Variants in CALCRL observed in about 807,000 individuals in gnomAD.
CALCRL encodes the protein calcitonin receptor like receptor.
A neutral mutation model predicts 60.4 loss-of-function variants in CALCRL; 27 were observed. The observed-to-expected ratio is 0.45, with a 90% CI of 0.33 to 0.62. The LOEUF (loss-of-function observed/expected upper bound fraction) is 0.62. CALCRL is among the 20% of genes least tolerant of loss of function. The pLI is 0.03. For missense variants in CALCRL, 424 were observed against 540.7 expected, an observed-to-expected ratio of 0.78 and a Z score of 2.14; for synonymous variants, 190 against 182.6, an observed-to-expected ratio of 1.04 and a Z score of -0.33.
chr2:187,383,732 C>T (rs1162948566), intron 4 of CALCRL, among the ~76,000 whole-genome samples: 1 of 152,052 alleles, frequency 6.6e-6, no homozygotes, highest in Non-Finnish European at 1.5e-5. Context: ...TATAAAATAG[C>T]ATCAAGATAA....
chr2:187,354,376 CA>C (rs1260503781), intron 12 of CALCRL, among the ~76,000 whole-genome samples: 1 of 151,880 alleles, frequency 6.6e-6, no homozygotes, highest in Non-Finnish European at 1.5e-5. Context: ...TCACTGAACC[CA>C]AATTAAATGT....
intron 14 of CALCRL, among the ~76,000 whole-genome samples, chr2:187,348,066 C>G (rs1485218597): frequency 6.6e-6 from 1 of 151,494 alleles, no homozygotes; most frequent in Non-Finnish European, 1.5e-5. Flanking sequence ...AAAATAAAAG[C>G]ATTTATAAGG....
chr2:187,437,357 A>G (rs1180628991), intron 1 of CALCRL, among the ~76,000 whole-genome samples: 1 of 152,200 alleles, frequency 6.6e-6, no homozygotes, highest in Non-Finnish European at 1.5e-5. Flanking sequence ...CCTGGCTAAT[A>G]CAGTGAAACC....
intron 1 of CALCRL, among the ~76,000 whole-genome samples, chr2:187,417,246 T>C (rs1416291804): frequency 6.6e-6 from 1 of 151,750 alleles, no homozygotes; most frequent in Non-Finnish European, 1.5e-5. Flanking sequence ...AGTTAACAAC[T>C]ACAACTATGA....
intron 1 of CALCRL, among the ~76,000 whole-genome samples, chr2:187,435,196 T>C (rs547889831): frequency 1.3e-5 from 2 of 152,282 alleles, no homozygotes; most frequent in African/African-American, 4.8e-5. Context: ...TGTATAAGCA[T>C]GGCTCCAGCA....
intron 14 of CALCRL, among the ~76,000 whole-genome samples, chr2:187,346,953 A>G (rs1277880213): frequency 6.6e-6 from 1 of 151,786 alleles, no homozygotes; most frequent in Non-Finnish European, 1.5e-5. Context: ...GTCTTCATGG[A>G]GCTTACTACA....
At chr2:187,375,060 C>T (rs921339747) in intron 8 of CALCRL, among the ~76,000 whole-genome samples, 1 of 151,690 alleles carries the variant, frequency 6.6e-6, no homozygotes, top group African/African-American at 2.4e-5. Flanking sequence ...ATCATGAGGT[C>T]AGGAGATCGA....
Position 187,352,153 on chromosome 2 carries a change from C to T in CALCRL, c.1089G>A (p.Glu363=). 6.2e-7 allele frequency: 1 copy of T among 1,612,206 alleles called. No individual in the cohort carries two copies. The highest frequency in any genetic ancestry group is 8.5e-7 in the Non-Finnish European group (1 of 1,178,830). ...GGATGTGCATGATGTAGTCATATAC[C>T]TCCTCTGCAATCTTTCCTTCAGGTC... ...PWRPEGKIAE[E]VYDYIMHILM... The change falls in exon 13 of 15, where the codon GAG becomes GAA. Residue 363 remains glutamate (E), a synonymous_variant. Coordinates refer to ENST00000392370, the MANE Select transcript of CALCRL (RefSeq NM_005795.6).
chr2:187,390,154 A>G (rs1367173537), intron 1 of CALCRL, among the ~76,000 whole-genome samples: 1 of 152,142 alleles, frequency 6.6e-6, no homozygotes, highest in Non-Finnish European at 1.5e-5. Flanking sequence ...AAAATCCTGA[A>G]AACTATTCAG....
chr2:187,403,435 A>G (rs1349963786), intron 1 of CALCRL, among the ~76,000 whole-genome samples: 1 of 151,946 alleles, frequency 6.6e-6, no homozygotes, highest in African/African-American at 2.4e-5. Flanking sequence ...GAGGGCCTTG[A>G]AATAGAAGTT....
At chr2:187,420,628 G>A (rs887412007) in intron 1 of CALCRL, among the ~76,000 whole-genome samples, 1 of 152,016 alleles carries the variant, frequency 6.6e-6, no homozygotes, top group East Asian at 1.9e-4. Context: ...TTACATTTCA[G>A]AAAAATATAT....
chr2:187,413,855 G>T (rs941856923), intron 1 of CALCRL, among the ~76,000 whole-genome samples: 1 of 152,066 alleles, frequency 6.6e-6, no homozygotes, highest in Admixed American at 6.5e-5. Flanking sequence ...TATGGAGCTG[G>T]ACATTGATTG....
intron 12 of CALCRL, among the ~76,000 whole-genome samples, chr2:187,355,432 AT>A (rs769570952): frequency 2.0e-4 from 31 of 152,156 alleles, no homozygotes; most frequent in South Asian, 6.2e-4. Flanking sequence ...ATATCAAAAA[AT>A]GTTATGAAAG....
chr2:187,441,040 A>G (rs970928839), intron 1 of CALCRL, among the ~76,000 whole-genome samples: 4 of 152,206 alleles, frequency 2.6e-5, no homozygotes, highest in East Asian at 3.9e-4. Flanking sequence ...ATTCTTAGGA[A>G]TATCACTTTC....
intron 1 of CALCRL, among the ~76,000 whole-genome samples, chr2:187,397,776 A>G (rs1688724772): frequency 6.6e-6 from 1 of 151,684 alleles, no homozygotes; most frequent in African/African-American, 2.4e-5. Flanking sequence ...GCTCCCGCTT[A>G]TAAGTCAGAA....
At chr2:187,419,760 A>G (rs979759673) in intron 1 of CALCRL, among the ~76,000 whole-genome samples, 1 of 152,252 alleles carries the variant, frequency 6.6e-6, no homozygotes, top group Non-Finnish European at 1.5e-5. Flanking sequence ...CTTACTGAAT[A>G]TGAAGTTAAA....
intron 1 of CALCRL, among the ~76,000 whole-genome samples, chr2:187,404,350 T>C (rs1337080377): frequency 1.3e-5 from 2 of 152,008 alleles, no homozygotes; most frequent in South Asian, 2.1e-4. Context: ...TAAAAACATC[T>C]AGTGAAAAAT....
Position 187,384,213 on chromosome 2 carries a change from CT to C in CALCRL, c.52-909del, listed in dbSNP as rs1688109841. ...TTGTGTGACCACCATTTAACAATAA[CT>C]CTTTCATTCCTTTGTTGTTTTAATT... On this transcript the variant is annotated intron_variant, in intron 4 of 14. Coordinates refer to ENST00000392370, the MANE Select transcript of CALCRL (RefSeq NM_005795.6). Among the ~76,000 whole-genome samples the C allele has an allele frequency of 2.0e-5, 3 of 152,164 alleles. No individual in the cohort carries two copies. In the South Asian group the frequency reaches 6.2e-4, roughly 31 times the overall value.
chr2:187,436,399 G>A lies in CALCRL; in HGVS notation c.-293+11640C>T, dbSNP rs551081010. 2.6e-4 allele frequency among the ~76,000 whole-genome samples: 40 copies of A among 152,242 alleles called. No homozygotes were observed. The South Asian group carries it at 7.5e-3, about 28-fold the overall frequency. The stretch of plus-strand genomic sequence containing the variant: ...TGGTATGATCAGTGTAGCCCAACCT[G>A]TAGAGGTCCTGAGAGACTGAGACAG... On this transcript the variant is annotated intron_variant, in intron 1 of 14. Coordinates refer to ENST00000392370, the MANE Select transcript of CALCRL (RefSeq NM_005795.6).
Sources: allele counts gnomAD v4.1 joint callset (sites outside exome capture counted in the v4.1 genomes callset), GRCh38; gene constraint gnomAD v4.1.1; transcripts MANE v1.5; gene names NCBI Gene and HGNC (gene_info 2026-07-23, HGNC 2026-07-21).